CADPS2: variants seen among roughly 807,000 people sequenced by gnomAD.
CADPS2 encodes the protein calcium dependent secretion activator 2.
A neutral mutation model predicts 172.5 loss-of-function variants in CADPS2; 93 were observed. That is an observed-to-expected ratio of 0.54 (90% CI 0.46 to 0.64). The LOEUF is 0.64. Among genes scored for constraint, CADPS2 ranks in the 30% least tolerant of loss-of-function variants. The probability of loss-of-function intolerance (pLI) is 0.00; values close to 1 mark genes in which losing one functional copy is unlikely to be tolerated. For synonymous variants in CADPS2, 546 were observed against 555.2 expected (o/e 0.98, Z 0.23); for missense variants, 1,420 against 1,565.9 (o/e 0.91, Z 1.57).
At chr7:122,494,234 C>T (rs1415034874) in intron 9 of CADPS2, among the ~76,000 whole-genome samples, 1 of 152,188 alleles carries the variant, frequency 6.6e-6, no homozygotes, top group Non-Finnish European at 1.5e-5. Flanking sequence ...TTCTGGAGAA[C>T]TCTTACTGAT....
intron 2 of CADPS2, among the ~76,000 whole-genome samples, chr7:122,711,423 A>T (rs2088698081): frequency 6.6e-6 from 1 of 152,120 alleles, no homozygotes; most frequent in South Asian, 2.1e-4. Context: ...TTAAGAGAAA[A>T]CTATACCAAT....
intron 28 of CADPS2, among the ~76,000 whole-genome samples, chr7:122,340,232 T>TA (rs1233006152): frequency 1.3e-5 from 2 of 152,206 alleles, no homozygotes; most frequent in South Asian, 2.1e-4. Context: ...ATCATAACAT[T>TA]AAAAAAATCT....
chr7:122,645,757 G>C (rs1006351055), intron 3 of CADPS2, among the ~76,000 whole-genome samples: 1 of 143,690 alleles, frequency 7.0e-6, no homozygotes, highest in Admixed American at 7.2e-5. Flanking sequence ...TGTGCTTACT[G>C]TGAATATCAC....
At chr7:122,376,125 T>C (rs2042314494) in intron 25 of CADPS2, among the ~76,000 whole-genome samples, 1 of 152,054 alleles carries the variant, frequency 6.6e-6, no homozygotes, top group Non-Finnish European at 1.5e-5. Context: ...CCACTGTTGG[T>C]GGATATGTAA....
chr7:122,817,288 G>C (rs1801753733), intron 1 of CADPS2, among the ~76,000 whole-genome samples: 1 of 152,114 alleles, frequency 6.6e-6, no homozygotes, highest in African/African-American at 2.4e-5. Flanking sequence ...TCCTCAGACT[G>C]ACCAGCCCAA....
chr7:122,502,626 TG>T (rs1423999699), intron 9 of CADPS2, among the ~76,000 whole-genome samples: 3 of 152,132 alleles, frequency 2.0e-5, no homozygotes, highest in Non-Finnish European at 4.4e-5. Flanking sequence ...ATTCACATTT[TG>T]TAATAATTAC....
chr7:122,418,769 G>A (rs901563400), intron 17 of CADPS2, among the ~76,000 whole-genome samples: 7 of 152,184 alleles, frequency 4.6e-5, no homozygotes, highest in African/African-American at 1.7e-4. Context: ...GAATGATGAT[G>A]TATGGTTGAT....
At chr7:122,418,829 A>AAGTGTGGC (rs1418352476) in intron 17 of CADPS2, among the ~76,000 whole-genome samples, 2 of 152,210 alleles carry the variant, frequency 1.3e-5, no homozygotes, top group African/African-American at 4.8e-5. Flanking sequence ...TTTTAGCACT[A>AAGTGTGGC]ACTACATTGC....
chr7:122,344,430 A>T (rs1428192130), intron 28 of CADPS2, among the ~76,000 whole-genome samples: 1 of 152,212 alleles, frequency 6.6e-6, no homozygotes, highest in African/African-American at 2.4e-5. Flanking sequence ...CTGCTCTGTT[A>T]GTCTCCTTTA....
At chr7:122,459,754 C>T (rs535692618) in intron 14 of CADPS2, among the ~76,000 whole-genome samples, 8 of 152,096 alleles carry the variant, frequency 5.3e-5, no homozygotes, top group Non-Finnish European at 1.0e-4. Flanking sequence ...AAACAGATGG[C>T]CCAATGTCAT....
chr7:122,368,858 A>C (rs2041330602), intron 25 of CADPS2, among the ~76,000 whole-genome samples: 1 of 152,072 alleles, frequency 6.6e-6, no homozygotes, highest in South Asian at 2.1e-4. Flanking sequence ...TAGATTGAGA[A>C]AAGGCTGTCA....
intron 1 of CADPS2, among the ~76,000 whole-genome samples, chr7:122,859,626 T>C (rs970913015): frequency 2.6e-5 from 4 of 152,102 alleles, no homozygotes; most frequent in Admixed American, 2.6e-4. Context: ...ATTATAGTCA[T>C]CCTTTGTTAT....
chr7:122,829,696 C>G (rs927094827), intron 1 of CADPS2, among the ~76,000 whole-genome samples: 4 of 152,028 alleles, frequency 2.6e-5, no homozygotes, highest in African/African-American at 9.7e-5. Flanking sequence ...GTTTTAGAAC[C>G]ACTGTAAAAA....
chr7:122,715,710 GAA>G (rs71161330), intron 2 of CADPS2, among the ~76,000 whole-genome samples: 5 of 140,982 alleles, frequency 3.5e-5, no homozygotes, highest in African/African-American at 1.3e-4. Context: ...GCATTGCAAA[GAA>G]AAAAAAAAAG....
Position 122,441,541 on chromosome 7 carries a change from G to A in CADPS2, c.2323C>T (p.Leu775=). ...TCAAGTAATGAAAGTGTAGCTTTTA[G>A]AGCACCTTCAGGTCGTCCAAAGGGA... The part of the protein sequence containing the change: ...CFPFGRPEGA[L]KATLSLLERV... The change falls in exon 16 of 30, where the codon CTA becomes TTA. Residue 775 remains leucine, a synonymous_variant. Coordinates refer to ENST00000449022, the MANE Select transcript of CADPS2 (RefSeq NM_017954.11). The A allele has an allele frequency of 6.5e-7, 1 of 1,535,294 alleles. No individual in the cohort carries two copies. Among genetic ancestry groups the A allele is most frequent in the African/African-American group, 1.4e-5 (1 of 72,244 alleles).
At chr7:122,759,001 G>A (rs1306486394) in intron 1 of CADPS2, among the ~76,000 whole-genome samples, 5 of 144,728 alleles carry the variant, frequency 3.5e-5, no homozygotes, top group Non-Finnish European at 3.1e-5. Flanking sequence ...CTTATTTCAG[G>A]AAAAAAAAAA....
At chr7:122,463,123 T>C (rs567085423) in intron 14 of CADPS2, among the ~76,000 whole-genome samples, 21 of 152,254 alleles carry the variant, frequency 1.4e-4, no homozygotes, top group African/African-American at 5.1e-4. Flanking sequence ...ACACAAATCC[T>C]GTTTGCACTG....
intron 20 of CADPS2, among the ~76,000 whole-genome samples, chr7:122,402,460 G>C (rs2046074717): frequency 1.3e-5 from 2 of 152,116 alleles, no homozygotes; most frequent in Non-Finnish European, 2.9e-5. Context: ...AAAATGAAGA[G>C]TTTTGTTTAA....
intron 2 of CADPS2, among the ~76,000 whole-genome samples, chr7:122,711,248 G>T (rs1185390095): frequency 1.3e-5 from 2 of 152,106 alleles, no homozygotes; most frequent in African/African-American, 4.8e-5. Context: ...ATAATATGCA[G>T]CCATAAAGTA....
Sources: allele counts gnomAD v4.1 joint callset (sites outside exome capture counted in the v4.1 genomes callset), GRCh38; gene constraint gnomAD v4.1.1; transcripts MANE v1.5; gene names NCBI Gene and HGNC (gene_info 2026-07-23, HGNC 2026-07-21).